The following ARHGAP40 variants were observed in gnomAD, a reference collection of about 807,000 sequenced individuals.
The protein encoded by ARHGAP40 is Rho GTPase activating protein 40, also known as rho GTPase-activating protein 40.
Under a neutral mutation model 73.5 loss-of-function variants are expected in ARHGAP40, and 43 were observed. The observed-to-expected ratio is 0.58, with a 90% CI of 0.46 to 0.75. The LOEUF (loss-of-function observed/expected upper bound fraction) is 0.75, where lower values mean the gene tolerates loss of function less well. ARHGAP40 is among the 30% of genes least tolerant of loss of function. ARHGAP40 has a pLI of 0.00. For synonymous variants in ARHGAP40, 300 were observed against 352.8 expected, an observed-to-expected ratio of 0.85 and a Z score of 1.68; for missense variants, 734 against 861.8, an observed-to-expected ratio of 0.85 and a Z score of 1.86.
chr20:38,621,634 G>A (rs1280488049), intron 1 of ARHGAP40, among the ~76,000 whole-genome samples: 1 of 152,210 alleles, frequency 6.6e-6, no homozygotes, highest in Non-Finnish European at 1.5e-5. Context: ...ACACCAAAGT[G>A]TTAGCATGGA....
chr20:38,630,778 C>T (rs1324237322), intron 5 of ARHGAP40, among the ~76,000 whole-genome samples: 3 of 152,148 alleles, frequency 2.0e-5, no homozygotes, highest in Middle Eastern at 3.2e-3. Context: ...CCTCAGTGCC[C>T]GCATGCCCTT....
At chr20:38,643,959 C>T (rs1037916415) in intron 11 of ARHGAP40, 49 bp downstream of exon 11, 103 of 1,243,598 alleles carry the variant, frequency 8.3e-5, no homozygotes, top group Non-Finnish European at 9.7e-5. Flanking sequence ...GCTGCCGTGC[C>T]GCCCCTGCTC....
In ARHGAP40 at chr20:38,623,546, C is replaced by T; in HGVS notation, c.325C>T (p.Gln109Ter). The change falls in exon 2 of 15, where the codon CAG (glutamine) becomes TAG (stop). Residue 109 changes from glutamine to a stop codon, truncating the protein, a stop_gained. Coordinates refer to ENST00000373345, the Ensembl canonical transcript of ARHGAP40. LOFTEE classifies it high-confidence loss of function. Reference sequence around the variant, plus strand: ...AGAGGACAGTGGCGGGAATGAAGGCCAGCTTCCAGAGGGTGAGAGACCCTG... The same window carrying T: ...AGAGGACAGTGGCGGGAATGAAGGCTAGCTTCCAGAGGGTGAGAGACCCTG... The T allele has an allele frequency of 2.3e-6, 3 of 1,289,492 alleles. No individual in the cohort carries two copies. Among genetic ancestry groups the T allele is most frequent in the Non-Finnish European group, 2.0e-6 (2 of 988,114 alleles). 79.9% of individuals were successfully genotyped at this position (1,289,492 alleles called of 1,614,324 possible).
chr20:38,645,269 C>A (rs575019481), intron 11 of ARHGAP40, among the ~76,000 whole-genome samples: 1 of 152,146 alleles, frequency 6.6e-6, no homozygotes, highest in Non-Finnish European at 1.5e-5. Context: ...ACCCCTTATA[C>A]CCCCATAGTT....
At chr20:38,628,984 G>T (rs2145605373) in exon 4 of ARHGAP40, 1 of 1,304,952 alleles carries the variant, frequency 7.7e-7, no homozygotes, top group Non-Finnish European at 1.0e-6. Context: ...CAGTTCCGGG[G>T]CCTCTAAGTT....
chr20:38,638,134 C>T (rs1056798545), intron 7 of ARHGAP40, among the ~76,000 whole-genome samples: 36 of 148,448 alleles, frequency 2.4e-4, no homozygotes, highest in Non-Finnish European at 8.9e-5. Context: ...ACGGTGAAAC[C>T]CCATCTCTAC....
intron 7 of ARHGAP40, among the ~76,000 whole-genome samples, chr20:38,638,090 A>G (rs2088989089): frequency 6.6e-6 from 1 of 151,776 alleles, no homozygotes; most frequent in African/African-American, 2.4e-5. Flanking sequence ...CGGGTGGATC[A>G]TGAGGTCAGG....
chr20:38,621,384 A>G (rs1258889603), intron 1 of ARHGAP40, among the ~76,000 whole-genome samples: 2 of 152,224 alleles, frequency 1.3e-5, no homozygotes, highest in African/African-American at 4.8e-5. Context: ...CCAAATCTCC[A>G]TCAAAAGGAA....
At chr20:38,627,630 T>TGG (rs2088909967) in intron 3 of ARHGAP40, among the ~76,000 whole-genome samples, 1 of 127,944 alleles carries the variant, frequency 7.8e-6, no homozygotes, top group Non-Finnish European at 1.8e-5. Context: ...TGTGTGTGTG[T>TGG]TGGGGTGTGT....
intron 10 of ARHGAP40, 39 bp downstream of exon 10, chr20:38,641,847 A>C: frequency 1.3e-5 from 16 of 1,226,606 alleles, no homozygotes; most frequent in Non-Finnish European, 1.6e-5. Flanking sequence ...CTGCCATCTC[A>C]GCCCACAGCC....
At chr20:38,619,811 G>C (rs552127351) in intron 1 of ARHGAP40, among the ~76,000 whole-genome samples, 3 of 151,720 alleles carry the variant, frequency 2.0e-5, no homozygotes, top group Non-Finnish European at 4.4e-5. Flanking sequence ...GTTTGGCCAG[G>C]CTTGATGGCT....
exon 3 of ARHGAP40, chr20:38,627,078 G>A (rs1313305133): frequency 1.5e-6 from 2 of 1,305,312 alleles, no homozygotes; most frequent in African/African-American, 1.5e-5. Context: ...TGATCACCAG[G>A]AGCTCCTGTC....
chr20:38,636,272 T>A (rs117534738), intron 6 of ARHGAP40, among the ~76,000 whole-genome samples: 11,138 of 151,800 alleles, frequency 0.073, 503 homozygotes, highest in South Asian at 0.11. Flanking sequence ...TTATTTTTTT[T>A]TTTTTTTGAG....
intron 1 of ARHGAP40, chr20:38,615,247 A>T (rs1245202519): frequency 7.8e-6 from 6 of 771,068 alleles, no homozygotes; most frequent in Non-Finnish European, 1.4e-5. Flanking sequence ...TTCATTCATG[A>T]TCCCTCATCT....
At chr20:38,602,425 A>G (rs543586522) in intron 1 of ARHGAP40, among the ~76,000 whole-genome samples, 5 of 151,976 alleles carry the variant, frequency 3.3e-5, no homozygotes, top group African/African-American at 1.2e-4. Flanking sequence ...TAGGGGGCCC[A>G]GGGGCTCAAG....
chr20:38,603,457 C>CTA, intron 1 of ARHGAP40, among the ~76,000 whole-genome samples: 1 of 144,234 alleles, frequency 6.9e-6, no homozygotes, highest in Non-Finnish European at 1.5e-5. Context: ...ATCTATCTAT[C>CTA]TATCTATTCT....
chr20:38,628,388 T>C (rs2088916177), intron 3 of ARHGAP40, among the ~76,000 whole-genome samples: 1 of 151,804 alleles, frequency 6.6e-6, no homozygotes, highest in Non-Finnish European at 1.5e-5. Context: ...CACTGCAAGC[T>C]CCGCCTCCCG....
At chr20:38,638,039 G>A (rs1408712923) in intron 7 of ARHGAP40, among the ~76,000 whole-genome samples, 3 of 151,938 alleles carry the variant, frequency 2.0e-5, no homozygotes, top group Admixed American at 6.6e-5. Context: ...GCTGGGCGCC[G>A]TGGCTCACAC....
At chr20:38,602,489 C>T (rs758466963) in intron 1 of ARHGAP40, among the ~76,000 whole-genome samples, 3 of 152,146 alleles carry the variant, frequency 2.0e-5, no homozygotes, top group African/African-American at 7.2e-5. Context: ...GTGGTCACCT[C>T]GGCTGAGAAC....
Sources: gnomAD v4.1 joint callset for allele counts (sites outside exome capture counted in the v4.1 genomes callset) on GRCh38, gnomAD v4.1.1 for gene constraint, MANE v1.5 for transcripts, NCBI Gene and HGNC (gene_info 2026-07-23, HGNC 2026-07-21) for gene names.